ASRGL1: variants seen among roughly 807,000 people sequenced by gnomAD.
ASRGL1 encodes the protein asparaginase and isoaspartyl peptidase 1.
A neutral mutation model predicts 22.4 loss-of-function variants in ASRGL1; 16 were observed. The ratio of observed to expected loss-of-function variants is 0.71; its 90% CI spans 0.48 to 1.08. ASRGL1 has a LOEUF of 1.08. ASRGL1 is among the 50% of genes least tolerant of loss of function. The pLI is 0.00. For synonymous variants in ASRGL1, 165 were observed against 159.3 expected (o/e 1.04, Z -0.27); for missense variants, 412 against 410.1 (o/e 1.00, Z -0.04).
chr11:62,371,280 CA>C, intron 4 of ASRGL1: 2 of 1,370,952 alleles, frequency 1.5e-6, no homozygotes, highest in Non-Finnish European at 1.9e-6. Flanking sequence ...GTGGTGGCAG[CA>C]GCAGCAGCGG....
intron 4 of ASRGL1, among the ~76,000 whole-genome samples, chr11:62,358,777 T>C (rs1028997731): frequency 6.6e-6 from 1 of 152,226 alleles, no homozygotes; most frequent in Non-Finnish European, 1.5e-5. Flanking sequence ...CTCTATGTCT[T>C]GGAAGCAAAA....
intron 4 of ASRGL1, chr11:62,373,008 A>C: frequency 7.2e-7 from 1 of 1,387,664 alleles, no homozygotes. Context: ...CAGGGATCAC[A>C]AGCCCAAGTC....
At chr11:62,354,509 A>G (rs909199531) in intron 2 of ASRGL1, among the ~76,000 whole-genome samples, 17 of 152,328 alleles carry the variant, frequency 1.1e-4, no homozygotes, top group African/African-American at 3.8e-4. Flanking sequence ...CAGCATCACT[A>G]CTCTTGTGCT....
chr11:62,345,818 C>T (rs1425478167), intron 2 of ASRGL1, among the ~76,000 whole-genome samples: 13 of 152,184 alleles, frequency 8.5e-5, no homozygotes, highest in African/African-American at 2.7e-4. Context: ...CAGAGACTCT[C>T]GCAGGCACAG....
intron 4 of ASRGL1, among the ~76,000 whole-genome samples, chr11:62,375,426 C>CTTTA (rs1946889185): frequency 2.9e-5 from 2 of 68,056 alleles, no homozygotes; most frequent in Non-Finnish European, 2.8e-5. Flanking sequence ...AATTGTCTTA[C>CTTTA]TTTATATATA....
intron 2 of ASRGL1, among the ~76,000 whole-genome samples, chr11:62,349,519 A>G (rs542887101): frequency 6.6e-6 from 1 of 152,288 alleles, no homozygotes; most frequent in Admixed American, 6.5e-5. Flanking sequence ...ACGGATACTG[A>G]GGGACAGCTC....
At chr11:62,345,772 C>G (rs1447459485) in intron 2 of ASRGL1, among the ~76,000 whole-genome samples, 3 of 152,214 alleles carry the variant, frequency 2.0e-5, no homozygotes, top group Admixed American at 6.5e-5. Flanking sequence ...ACCTTTTTGG[C>G]ACCAGGGACC....
chr11:62,367,481 C>T (rs1397071044), intron 4 of ASRGL1, among the ~76,000 whole-genome samples: 3 of 150,540 alleles, frequency 2.0e-5, no homozygotes, highest in Non-Finnish European at 3.0e-5. Flanking sequence ...CCTGTCTCTA[C>T]TAAAAATACA....
At chr11:62,369,377 G>C (rs1487206150) in intron 4 of ASRGL1, among the ~76,000 whole-genome samples, 1 of 152,104 alleles carries the variant, frequency 6.6e-6, no homozygotes, top group African/African-American at 2.4e-5. Context: ...TCTTAGTACA[G>C]AACAAAATGG....
At position 62,392,380 on chromosome 11, in the gene ASRGL1, A is replaced by C. The variant is rs1417374553; in HGVS notation, c.*96A>C. ...ATCAATTAGATCTAGAATTGGAAAAATTGTCCCGTCTGTCACTTGTTTTGT... is the reference window on the plus strand; with the variant it reads ...ATCAATTAGATCTAGAATTGGAAAACTTGTCCCGTCTGTCACTTGTTTTGT... On this transcript the variant is annotated 3_prime_UTR_variant, in exon 7 of 7. Coordinates refer to ENST00000415229, the MANE Select transcript of ASRGL1 (RefSeq NM_001083926.2). 2 of 1,435,816 alleles carry C rather than the reference A, an allele frequency of 1.4e-6. No homozygotes were observed. The highest frequency in any genetic ancestry group is 1.9e-6 in the Non-Finnish European group (2 of 1,038,658). The allele number at this position is 1,435,816 out of a possible 1,614,324, so 88.9% of individuals were successfully genotyped here.
At chr11:62,356,012 T>C (rs1248750550) in intron 2 of ASRGL1, among the ~76,000 whole-genome samples, 2 of 152,240 alleles carry the variant, frequency 1.3e-5, no homozygotes, top group Admixed American at 6.5e-5. Context: ...AAGTCTCCCA[T>C]GTCTACTTCC....
intron 4 of ASRGL1, among the ~76,000 whole-genome samples, chr11:62,377,228 G>A (rs1173258175): frequency 6.6e-6 from 1 of 152,152 alleles, no homozygotes; most frequent in African/African-American, 2.4e-5. Context: ...AAAGGCCCTG[G>A]TAAATTAGTG....
At chr11:62,370,991 T>C (rs1359885948) in intron 4 of ASRGL1, among the ~76,000 whole-genome samples, 1 of 151,980 alleles carries the variant, frequency 6.6e-6, no homozygotes, top group Non-Finnish European at 1.5e-5. Flanking sequence ...GCATTAAACA[T>C]CCTGGCGCAT....
intron 4 of ASRGL1, among the ~76,000 whole-genome samples, chr11:62,370,339 A>G (rs1376605266): frequency 6.6e-6 from 1 of 152,210 alleles, no homozygotes; most frequent in Non-Finnish European, 1.5e-5. Flanking sequence ...TAACACTAGC[A>G]TATAAGAGGG....
downstream of ASRGL1, among the ~76,000 whole-genome samples, chr11:62,396,037 G>A (rs1373269939): frequency 6.6e-6 from 1 of 151,994 alleles, no homozygotes; most frequent in Non-Finnish European, 1.5e-5. Context: ...GCCCCCCAAA[G>A]TGCTGGGATT....
At chr11:62,364,270 C>T (rs553689218) in intron 4 of ASRGL1, among the ~76,000 whole-genome samples, 7 of 150,824 alleles carry the variant, frequency 4.6e-5, no homozygotes, top group Admixed American at 1.3e-4. Context: ...TGCATGTGTG[C>T]GTGTATGTGT....
At chr11:62,341,350 C>T (rs533586741) in intron 2 of ASRGL1, among the ~76,000 whole-genome samples, 1 of 152,136 alleles carries the variant, frequency 6.6e-6, no homozygotes, top group African/African-American at 2.4e-5. Flanking sequence ...AGGCACCCAC[C>T]ACCAGGACCA....
intron 2 of ASRGL1, among the ~76,000 whole-genome samples, chr11:62,342,739 CAA>C (rs2134569461): frequency 6.7e-6 from 1 of 149,838 alleles, no homozygotes; most frequent in African/African-American, 2.5e-5. Context: ...GCCTGAGCAG[CAA>C]AGAGAGACTC....
At chr11:62,371,494 A>G (rs975038310) in intron 4 of ASRGL1, 3 of 647,714 alleles carry the variant, frequency 4.6e-6, no homozygotes, top group African/African-American at 3.6e-5. Context: ...TTGTTAAAAA[A>G]GCGCTTGAAG....
Sources: gnomAD v4.1 joint callset for allele counts (sites outside exome capture counted in the v4.1 genomes callset) on GRCh38, gnomAD v4.1.1 for gene constraint, MANE v1.5 for transcripts, NCBI Gene and HGNC (gene_info 2026-07-23, HGNC 2026-07-21) for gene names.